Variants in SUPT20H observed in about 807,000 individuals in gnomAD.
SUPT20H encodes SPT20 homolog, SAGA complex component.
Under a neutral mutation model 122.8 loss-of-function variants are expected in SUPT20H, and 82 were observed. That is an observed-to-expected ratio of 0.67 (90% CI 0.56 to 0.80). The LOEUF (loss-of-function observed/expected upper bound fraction) is 0.80, where lower values mean the gene tolerates loss of function less well. SUPT20H is among the 30% of genes least tolerant of loss of function. The pLI is 0.00. For missense variants in SUPT20H, 831 were observed against 921.6 expected, an observed-to-expected ratio of 0.90 and a Z score of 1.27; for synonymous variants, 291 against 313.0, an observed-to-expected ratio of 0.93 and a Z score of 0.74.
At chr13:37,053,691 T>TA (rs113112502) in intron 1 of SUPT20H, among the ~76,000 whole-genome samples, 2,943 of 140,466 alleles carry the variant, frequency 0.021, 77 homozygotes, top group African/African-American at 0.069. Flanking sequence ...AAACTAAAAT[T>TA]AAAAAAAAAA....
At position 37,010,652 on chromosome 13, in the gene SUPT20H, A is replaced by G; in HGVS notation, c.2102T>C (p.Leu701Ser). Residue 701 changes from leucine to serine, a missense_variant, in exon 25 of 26, where the codon TTG becomes TCG. Physicochemically the swap from Leu to Ser is moderately radical, Grantham distance 145. Coordinates refer to ENST00000350612, the MANE Select transcript of SUPT20H (RefSeq NM_001014286.3). ...GTTCTCGGCAGAGCCAAGCTGAGAC[A>G]ACACTACAGAGAGGAGAAGGGGAAA... ...GSFMQSQAAV[L>S]SQLGSAENRP... The G allele has an allele frequency of 6.2e-7, 1 of 1,613,450 alleles. No homozygotes were observed. Among genetic ancestry groups the G allele is most frequent in the Non-Finnish European group, 8.5e-7 (1 of 1,179,652 alleles).
chr13:37,015,452 T>C (rs2060284789), intron 23 of SUPT20H, among the ~76,000 whole-genome samples: 1 of 148,446 alleles, frequency 6.7e-6, no homozygotes, highest in Non-Finnish European at 1.5e-5. Flanking sequence ...AATGGGATTA[T>C]CACCTCACAC....
chr13:37,059,203 C>T (rs914288116), intron 1 of SUPT20H: 2 of 152,258 alleles, frequency 1.3e-5, no homozygotes, highest in African/African-American at 4.8e-5. Flanking sequence ...ACCTGTACAA[C>T]CGTCATCTCC....
At chr13:37,055,962 T>C (rs2068897356) in intron 1 of SUPT20H, among the ~76,000 whole-genome samples, 2 of 152,156 alleles carry the variant, frequency 1.3e-5, no homozygotes, top group Admixed American at 1.3e-4. Flanking sequence ...GCGAAGGATA[T>C]GAACAGACAC....
In SUPT20H at chr13:37,056,055, C is replaced by T. The variant is rs529066830; in HGVS notation, c.-94+3504G>A. 2.4e-3 allele frequency among the ~76,000 whole-genome samples: 365 copies of T among 152,288 alleles called. 2 individuals are homozygous for T. Among genetic ancestry groups the T allele is most frequent in the African/African-American group, 8.3e-3 (345 of 41,548 alleles). On this transcript the variant is annotated intron_variant, in intron 1 of 25. Transcript: ENST00000350612. ...GCCATCAGAGAAATGCAAATCAAAA[C>T]CACAATGAGATACCATCTCACACCA... is the stretch of plus-strand genomic sequence containing the variant.
intron 23 of SUPT20H, 104 bp from the exon 24 acceptor site, chr13:37,012,401 A>G: frequency 1.3e-6 from 1 of 757,194 alleles, no homozygotes; most frequent in Non-Finnish European, 2.2e-6. Flanking sequence ...GCAGTATTAG[A>G]CTAGTCTTGT....
chr13:37,044,390 A>T (rs2138833388), intron 6 of SUPT20H, among the ~76,000 whole-genome samples: 1 of 152,282 alleles, frequency 6.6e-6, no homozygotes, highest in Middle Eastern at 3.4e-3. Flanking sequence ...ACACATTATG[A>T]AAAAACATCT....
At chr13:37,045,618 AAC>A (rs2066284577) in intron 5 of SUPT20H, among the ~76,000 whole-genome samples, 1 of 152,212 alleles carries the variant, frequency 6.6e-6, no homozygotes, top group African/African-American at 2.4e-5. Context: ...GGTGACCTAT[AAC>A]ACAATAAAAG....
intron 19 of SUPT20H, 130 bp downstream of exon 19, chr13:37,023,905 A>G: frequency 1.2e-6 from 1 of 855,282 alleles, no homozygotes; most frequent in Admixed American, 3.3e-5. Context: ...TGAAGCTTCT[A>G]GCAACTTATA....
At chr13:37,014,830 C>G (rs958115070) in intron 23 of SUPT20H, among the ~76,000 whole-genome samples, 6 of 152,146 alleles carry the variant, frequency 3.9e-5, no homozygotes, top group African/African-American at 1.4e-4. Flanking sequence ...AAAGAAGTGA[C>G]TCTACACATT....
At chr13:37,056,647 G>T (rs2069116029) in intron 1 of SUPT20H, among the ~76,000 whole-genome samples, 1 of 151,926 alleles carries the variant, frequency 6.6e-6, no homozygotes, top group Non-Finnish European at 1.5e-5. Context: ...GATAGCATGA[G>T]GAGATATACC....
intron 6 of SUPT20H, among the ~76,000 whole-genome samples, chr13:37,045,012 A>G (rs1438263259): frequency 1.3e-5 from 2 of 152,208 alleles, no homozygotes; most frequent in African/African-American, 2.4e-5. Flanking sequence ...AGACATATCA[A>G]TTAGAATACT....
chr13:37,025,610 T>G (rs1479454807), intron 16 of SUPT20H, among the ~76,000 whole-genome samples, 173 bp from the exon 17 acceptor site: 1 of 152,210 alleles, frequency 6.6e-6, no homozygotes, highest in African/African-American at 2.4e-5. Context: ...ATTTTTAAAC[T>G]GTTCAATGAC....
Position 37,022,067 on chromosome 13 carries a change from G to A in SUPT20H, c.1605C>T (p.Thr535=). Residue 535 remains threonine (T), a synonymous_variant, in exon 20 of 26, where the codon ACC becomes ACT. Transcript: ENST00000350612. The surrounding 1 kb of genome is among the most constrained non-coding windows in gnomAD (Gnocchi z 4.5). The part of the protein sequence containing the change: ...PASSSQRTTA[T]QVMANSAGLN... ...GTCCAGCAGAGTTTGCCATGACCTG[G>A]GTGGCCGTGGTTCCTGGAGTTATAG... The A allele has an allele frequency of 6.2e-7, 1 of 1,613,876 alleles. No homozygotes were observed. The highest frequency in any genetic ancestry group is 2.2e-5 in the East Asian group (1 of 44,856).
Position 37,019,956 on chromosome 13 carries a change from A to G in SUPT20H, c.1817-559T>C, listed in dbSNP as rs545259861. ...TATTCCTAAAAAATCTGTTACATTA[A>G]CACAGAGCATATCTTAAAGCTGGGG... On this transcript the variant is annotated intron_variant, in intron 21 of 25. Coordinates refer to ENST00000350612, the MANE Select transcript of SUPT20H (RefSeq NM_001014286.3). Among the ~76,000 whole-genome samples the G allele has an allele frequency of 7.2e-5, 11 of 152,322 alleles. No homozygotes were observed. In the South Asian group the frequency reaches 2.3e-3, roughly 32 times the overall value.
rs2138884002 is a variant in SUPT20H at position 37,045,334 on chromosome 13, T to C, written c.205A>G (p.Met69Val). The C allele has an allele frequency of 1.2e-6, 2 of 1,613,660 alleles. No individual in the cohort carries two copies. Among genetic ancestry groups the C allele is most frequent in the Non-Finnish European group, 1.7e-6 (2 of 1,179,724 alleles). The change falls in exon 6 of 26, where the codon ATG (methionine) becomes GTG (valine). Residue 69 changes from methionine (M) to valine (V), a missense_variant. Physicochemically the swap from Met to Val is conservative, Grantham distance 21. Coordinates refer to ENST00000350612, the MANE Select transcript of SUPT20H (RefSeq NM_001014286.3). Reference sequence around the variant, plus strand: ...ACTAAACATGACAAAGTCTCTTGCATAACAAGCTTCTCTAACAAGTTCACA... The same window carrying C: ...ACTAAACATGACAAAGTCTCTTGCACAACAAGCTTCTCTAACAAGTTCACA... ...RNVNLLEKLV[M>V]QETLSCLVVN...
chr13:37,025,058 C>T (rs1445981018), intron 17 of SUPT20H: 1 of 362,724 alleles, frequency 2.8e-6, no homozygotes, highest in Non-Finnish European at 5.2e-6. Context: ...TCTCCTGTCT[C>T]AGCCTCCCGA....
chr13:37,028,022 T>C (rs879310105), intron 14 of SUPT20H, 126 bp downstream of exon 14: 6 of 832,428 alleles, frequency 7.2e-6, no homozygotes, highest in East Asian at 3.1e-5. Context: ...CTAATTGTTA[T>C]ATTTAACTAA....
rs368227048 is a variant in SUPT20H, at chr13:37,047,524, T to C, written c.165+11A>G. On this transcript the variant is annotated intron_variant, in intron 5 of 25. Transcript: ENST00000350612. ...TTCAAAAGCTACAACATAATAAAAA[T>C]GTATACTTACCTTAACTTCAGGTTC... 34 of 1,438,280 alleles carry C rather than the reference T, an allele frequency of 2.4e-5. No homozygotes were observed. Among genetic ancestry groups the C allele is most frequent in the Middle Eastern group, 3.6e-4 (2 of 5,624 alleles). The allele number at this position is 1,438,280 out of a possible 1,614,324, so 89.1% of individuals were successfully genotyped here.
Sources: allele counts gnomAD v4.1 joint callset (sites outside exome capture counted in the v4.1 genomes callset), GRCh38; gene constraint gnomAD v4.1.1; non-coding constraint Gnocchi (gnomAD v3.1); transcripts MANE v1.5; gene names NCBI Gene and HGNC (gene_info 2026-07-23, HGNC 2026-07-21).